CDK13: variants seen among roughly 807,000 people sequenced by gnomAD.
CDK13 encodes cyclin dependent kinase 13, also known as cyclin-dependent kinase 13.
In CDK13, 40 loss-of-function variants were observed where a neutral mutation model predicts 137.6. The ratio of observed to expected loss-of-function variants is 0.29; its 90% confidence interval spans 0.23 to 0.38. The LOEUF (loss-of-function observed/expected upper bound fraction) is 0.38. Among genes scored for constraint, CDK13 ranks in the 10% least tolerant of loss-of-function variants. CDK13 has a pLI of 1.00. For synonymous variants in CDK13, 869 were observed against 760.1 expected (o/e 1.14, Z -2.36); for missense variants, 1,704 against 1,951.8 (o/e 0.87, Z 2.39).
intron 5 of CDK13, among the ~76,000 whole-genome samples, chr7:40,014,516 A>G (rs1369779877): frequency 1.3e-5 from 2 of 148,414 alleles, no homozygotes; most frequent in South Asian, 2.1e-4. Context: ...CAGTGGCACA[A>G]TCATCTCAGC....
chr7:40,074,523 A>C (rs1786498606), intron 9 of CDK13, among the ~76,000 whole-genome samples: 1 of 70,516 alleles, frequency 1.4e-5, no homozygotes, highest in African/African-American at 1.5e-4. Context: ...ACACCATCTC[A>C]AAAAAAAAAA....
At chr7:40,000,929 C>G (rs866351803) in intron 4 of CDK13, among the ~76,000 whole-genome samples, 4 of 151,990 alleles carry the variant, frequency 2.6e-5, no homozygotes, top group African/African-American at 7.2e-5. Flanking sequence ...TGGATCATTT[C>G]TGATACAAAG....
Position 40,059,979 on chromosome 7 carries a change from C to T in CDK13, c.2601-2847C>T, listed in dbSNP as rs1249729590. 6.6e-5 allele frequency among the ~76,000 whole-genome samples: 10 copies of T among 152,220 alleles called. No homozygotes were observed. In the East Asian group the frequency reaches 1.9e-3, roughly 29 times the overall value. On this transcript the variant is annotated intron_variant, in intron 7 of 13. Coordinates refer to ENST00000181839, the MANE Select transcript of CDK13 (RefSeq NM_003718.5). Reference sequence around the variant, plus strand: ...CATTTGGAAAGGCCATTAATTAGTACACGTTAAATATTTTTCTGTACAGTT... The same window carrying T: ...CATTTGGAAAGGCCATTAATTAGTATACGTTAAATATTTTTCTGTACAGTT...
At chr7:39,959,293 C>A (rs1787530579) in intron 1 of CDK13, among the ~76,000 whole-genome samples, 1 of 151,670 alleles carries the variant, frequency 6.6e-6, no homozygotes, top group African/African-American at 2.4e-5. Flanking sequence ...TTCCGAGTAG[C>A]TGGGATTACA....
intron 9 of CDK13, among the ~76,000 whole-genome samples, chr7:40,075,508 T>C (rs1258908601): frequency 6.6e-6 from 1 of 152,142 alleles, no homozygotes; most frequent in African/African-American, 2.4e-5. Context: ...AAAATTTTAG[T>C]ATAATGAAAC....
intron 5 of CDK13, among the ~76,000 whole-genome samples, chr7:40,042,477 C>CTTTTTT (rs5883713): frequency 1.4e-4 from 11 of 76,136 alleles, no homozygotes; most frequent in Admixed American, 3.8e-4. Context: ...TCTTTTCTTT[C>CTTTTTT]TTTTTTTTTT....
chr7:39,987,579 T>G lies in CDK13; in HGVS notation c.1212-20T>G. On this transcript the variant is annotated intron_variant, in intron 1 of 13. Coordinates refer to ENST00000181839, the MANE Select transcript of CDK13 (RefSeq NM_003718.5). ...GAACCTTTCTCAATTACTGATTAAATCTTAATTATTTCTCACCAGACGGTC... is the reference window on the plus strand; with the variant it reads ...GAACCTTTCTCAATTACTGATTAAAGCTTAATTATTTCTCACCAGACGGTC... 5.2e-6 allele frequency: 8 copies of G among 1,548,114 alleles called. No homozygotes were observed. Among genetic ancestry groups the G allele is most frequent in the Non-Finnish European group, 6.9e-6 (8 of 1,152,086 alleles).
At chr7:40,092,116 A>T (rs1460977852) in intron 12 of CDK13, 1 of 152,236 alleles carries the variant, frequency 6.6e-6, no homozygotes. Flanking sequence ...TTACAAAAAA[A>T]AAAAGGTAAT....
rs916876729 is a variant in CDK13, at chr7:40,097,721, G to T, written c.*2741G>T. ...CCTTTTGTATTTACTGACACAGCAG[G>T]TTTTTCTGCATGCAACTCAGTATGT... is the stretch of plus-strand genomic sequence containing the variant. On this transcript the variant is annotated 3_prime_UTR_variant, in exon 14 of 14. Transcript: ENST00000181839. The T allele has an allele frequency of 3.3e-5, 5 of 152,072 alleles. No homozygotes were observed. Among genetic ancestry groups the T allele is most frequent in the Admixed American group, 1.3e-4 (2 of 15,262 alleles). 9.4% of individuals were successfully genotyped at this position (152,072 alleles called of 1,614,324 possible). A position where few individuals can be genotyped will look rare whatever the true frequency, so the allele number is the denominator to read the frequency against.
intron 1 of CDK13, among the ~76,000 whole-genome samples, chr7:39,977,566 C>A (rs963866604): frequency 6.6e-6 from 1 of 152,132 alleles, no homozygotes; most frequent in Non-Finnish European, 1.5e-5. Context: ...TGCTGAGATA[C>A]GAAGTATCCT....
intron 2 of CDK13, among the ~76,000 whole-genome samples, chr7:39,988,476 A>G (rs528065511): frequency 1.3e-4 from 20 of 152,232 alleles, no homozygotes; most frequent in Non-Finnish European, 2.4e-4. Context: ...AAAAATTGCC[A>G]TTGTCTTGGG....
At chr7:40,052,251 A>G (rs1785907690) in intron 7 of CDK13, among the ~76,000 whole-genome samples, 1 of 151,110 alleles carries the variant, frequency 6.6e-6, no homozygotes, top group South Asian at 2.1e-4. Flanking sequence ...ATCTCGGCTC[A>G]CTGCAACCTC....
Position 40,013,616 on chromosome 7 carries a change from G to A in CDK13, c.2353+11585G>A, listed in dbSNP as rs538740658. Among the ~76,000 whole-genome samples, 112 of 152,306 alleles carry A rather than the reference G, an allele frequency of 7.4e-4. 1 individual carries two copies. The highest frequency in any genetic ancestry group is 2.5e-3 in the African/African-American group (106 of 41,576). ...TGCCAGAGACATGGGGAGGGGATTGGAAATGGAGAATGACTGCTAATGCGT... is the reference window on the plus strand; with the variant it reads ...TGCCAGAGACATGGGGAGGGGATTGAAAATGGAGAATGACTGCTAATGCGT... On this transcript the variant is annotated intron_variant, in intron 5 of 13. Transcript: ENST00000181839.
chr7:40,054,593 G>A (rs1012360500), intron 7 of CDK13, among the ~76,000 whole-genome samples: 1 of 152,060 alleles, frequency 6.6e-6, no homozygotes, highest in Non-Finnish European at 1.5e-5. Context: ...ACCACACCCA[G>A]CGAATTTTTG....
rs374077162 is a variant in CDK13, at chr7:40,092,841, C to G, written c.3292C>G (p.Leu1098Val). 9 of 1,614,026 alleles carry G rather than the reference C, an allele frequency of 5.6e-6. No homozygotes were observed. The highest frequency in any genetic ancestry group is 1.7e-5 in the Admixed American group (1 of 59,998). ...NHSELAILLN[L>V]LQSKTSVNMA... ...CAGTGAATTGGCAATTCTACTAAACCTACTACAATCTAAAACAAGTGTTAA... is the reference window on the plus strand; with the variant it reads ...CAGTGAATTGGCAATTCTACTAAACGTACTACAATCTAAAACAAGTGTTAA... The change falls in exon 13 of 14, where the codon CTA (leucine) becomes GTA (valine). Residue 1098 changes from leucine to valine, a missense_variant. Coordinates refer to ENST00000181839, the MANE Select transcript of CDK13 (RefSeq NM_003718.5).
intron 11 of CDK13, among the ~76,000 whole-genome samples, chr7:40,079,460 A>G (rs932174024): frequency 3.9e-5 from 6 of 152,094 alleles, no homozygotes; most frequent in African/African-American, 1.4e-4. Flanking sequence ...TTCTAATACT[A>G]CTTCTACTAA....
Position 40,093,750 on chromosome 7 carries a change from T to G in CDK13, c.3689-380T>G, listed in dbSNP as rs1786978491. On this transcript the variant is annotated intron_variant, in intron 13 of 13. Coordinates refer to ENST00000181839, the MANE Select transcript of CDK13 (RefSeq NM_003718.5). Reference sequence around the variant, plus strand: ...TGAGACCCTGTCTCTAAAACAATTTTTTTTAATTAACTGGGCATGGTAGCA... The same window carrying G: ...TGAGACCCTGTCTCTAAAACAATTTGTTTTAATTAACTGGGCATGGTAGCA... Among the ~76,000 whole-genome samples the G allele has an allele frequency of 2.0e-5, 3 of 151,952 alleles. No individual in the cohort carries two copies. In the South Asian group the frequency reaches 6.2e-4, roughly 32 times the overall value.
chr7:40,081,609 A>G (rs1383641100), intron 11 of CDK13, among the ~76,000 whole-genome samples: 1 of 152,240 alleles, frequency 6.6e-6, no homozygotes, highest in Non-Finnish European at 1.5e-5. Context: ...TGGAAATTAA[A>G]TTTCACGTTT....
intron 9 of CDK13, chr7:40,069,550 T>C: frequency 3.3e-6 from 1 of 298,532 alleles, no homozygotes; most frequent in Non-Finnish European, 6.8e-6. Context: ...TCAGTACATA[T>C]TTCTTCCCTC....
Sources: allele counts gnomAD v4.1 joint callset (sites outside exome capture counted in the v4.1 genomes callset), GRCh38; gene constraint gnomAD v4.1.1; transcripts MANE v1.5; gene names NCBI Gene and HGNC (gene_info 2026-07-23, HGNC 2026-07-21).